FAM135B: variants seen among roughly 807,000 people sequenced by gnomAD.
FAM135B encodes family with sequence similarity 135 member B, also known as protein FAM135B.
Under a neutral mutation model 127.7 loss-of-function variants are expected in FAM135B, and 43 were observed. The ratio of observed to expected loss-of-function variants is 0.34; its 90% CI spans 0.26 to 0.43. The LOEUF (loss-of-function observed/expected upper bound fraction) is 0.43, where lower values mean the gene tolerates loss of function less well. Among genes scored for constraint, FAM135B ranks in the 20% least tolerant of loss-of-function variants. The pLI is 1.00. For missense variants in FAM135B, 1,558 were observed against 1,725.6 expected (o/e 0.90, Z 1.72); for synonymous variants, 670 against 665.1 (o/e 1.01, Z -0.11).
At chr8:138,238,264 G>A (rs1182770077) in intron 7 of FAM135B, among the ~76,000 whole-genome samples, 6 of 152,188 alleles carry the variant, frequency 3.9e-5, no homozygotes, top group Admixed American at 2.0e-4. Context: ...GCATGTTTGT[G>A]TCAGGCTGTA....
intron 3 of FAM135B, among the ~76,000 whole-genome samples, chr8:138,297,470 A>T (rs1459705915): frequency 6.6e-6 from 1 of 152,242 alleles, no homozygotes; most frequent in Non-Finnish European, 1.5e-5. Flanking sequence ...TCACTGTATA[A>T]ATATTTACTA....
At chr8:138,249,579 A>G (rs1821547912) in intron 6 of FAM135B, among the ~76,000 whole-genome samples, 1 of 152,204 alleles carries the variant, frequency 6.6e-6, no homozygotes, top group Admixed American at 6.5e-5. Flanking sequence ...GGAACCCAGC[A>G]GATGGGCGTG....
chr8:138,238,198 T>A (rs1820450815), intron 7 of FAM135B, among the ~76,000 whole-genome samples: 1 of 152,262 alleles, frequency 6.6e-6, no homozygotes, highest in Middle Eastern at 3.4e-3. Context: ...AAGATTTGAT[T>A]TAATTATGTG....
Position 138,152,758 on chromosome 8 carries a change from T to C in FAM135B, c.1717A>G (p.Asn573Asp). 3.7e-6 allele frequency: 6 copies of C among 1,614,214 alleles called. No individual in the cohort carries two copies. Among genetic ancestry groups the C allele is most frequent in the Non-Finnish European group, 5.1e-6 (6 of 1,180,040 alleles). ...PSRAEPLVAF[N>D]AQHESRSSRD... Reference sequence around the variant, plus strand: ...GAGCTCCTACTCTCATGCTGAGCATTGAAGGCCACCAGGGGTTCAGCTCTG... The same window carrying C: ...GAGCTCCTACTCTCATGCTGAGCATCGAAGGCCACCAGGGGTTCAGCTCTG... Residue 573 changes from asparagine (N) to aspartate (D), a missense_variant, in exon 13 of 20, where the codon AAT (asparagine) becomes GAT (aspartate). Physicochemically the swap from Asn to Asp is conservative, Grantham distance 23 (BLOSUM62 1). Transcript: ENST00000395297.
intron 2 of FAM135B, among the ~76,000 whole-genome samples, chr8:138,347,102 AGGAAGAAT>A (rs1829470105): frequency 8.0e-6 from 1 of 125,606 alleles, no homozygotes; most frequent in Non-Finnish European, 1.6e-5. Flanking sequence ...AATGAACAAA[AGGAAGAAT>A]GAATGAATGA....
intron 1 of FAM135B, among the ~76,000 whole-genome samples, chr8:138,483,426 G>A (rs1017024125): frequency 3.9e-5 from 6 of 152,200 alleles, no homozygotes; most frequent in Non-Finnish European, 8.8e-5. Flanking sequence ...TGCTGTGGGA[G>A]CAGAAAGACA....
chr8:138,172,769 G>A (rs1434859793), intron 11 of FAM135B, among the ~76,000 whole-genome samples: 1 of 152,138 alleles, frequency 6.6e-6, no homozygotes, highest in Admixed American at 6.5e-5. Context: ...AGCAACTAAG[G>A]GTAGCATTAA....
At chr8:138,410,822 A>T (rs1833821395) in intron 1 of FAM135B, among the ~76,000 whole-genome samples, 1 of 152,186 alleles carries the variant, frequency 6.6e-6, no homozygotes, top group South Asian at 2.1e-4. Context: ...TACCAAAAAC[A>T]TACGTGTACT....
chr8:138,487,555 G>A (rs1360074195), intron 1 of FAM135B, among the ~76,000 whole-genome samples: 5 of 150,692 alleles, frequency 3.3e-5, no homozygotes, highest in South Asian at 2.1e-4. Context: ...GCACCCACCC[G>A]TGCATTCACA....
At chr8:138,444,038 A>G (rs748118951) in intron 1 of FAM135B, among the ~76,000 whole-genome samples, 1 of 152,172 alleles carries the variant, frequency 6.6e-6, no homozygotes, top group Non-Finnish European at 1.5e-5. Context: ...ACGAACAAAG[A>G]TCAAAGAGAC....
chr8:138,262,960 C>A (rs1036063107), intron 4 of FAM135B, among the ~76,000 whole-genome samples: 1 of 146,280 alleles, frequency 6.8e-6, no homozygotes, highest in African/African-American at 2.5e-5. Flanking sequence ...TTAGTAACTA[C>A]GGGACTTCCT....
chr8:138,246,834 G>C (rs934578319), intron 6 of FAM135B, among the ~76,000 whole-genome samples: 3 of 152,162 alleles, frequency 2.0e-5, no homozygotes, highest in Admixed American at 2.0e-4. Context: ...CCAGTAGAGG[G>C]GACTGTACCC....
At chr8:138,210,096 C>G (rs1338342892) in intron 7 of FAM135B, among the ~76,000 whole-genome samples, 1 of 152,224 alleles carries the variant, frequency 6.6e-6, no homozygotes, top group Non-Finnish European at 1.5e-5. Flanking sequence ...AGTCCAAGAT[C>G]ATCAAATTAG....
chr8:138,388,354 A>T (rs928675518), intron 1 of FAM135B, among the ~76,000 whole-genome samples: 5 of 152,194 alleles, frequency 3.3e-5, no homozygotes, highest in Admixed American at 2.0e-4. Flanking sequence ...ATGAAATGAA[A>T]TATACTCTTA....
intron 2 of FAM135B, among the ~76,000 whole-genome samples, chr8:138,315,657 G>A (rs552574570): frequency 1.6e-4 from 20 of 127,880 alleles, no homozygotes; most frequent in Non-Finnish European, 2.8e-4. Flanking sequence ...TCAAACAATG[G>A]AATGTTATTC....
chr8:138,431,528 C>T (rs1459521573), intron 1 of FAM135B, among the ~76,000 whole-genome samples: 1 of 152,212 alleles, frequency 6.6e-6, no homozygotes, highest in East Asian at 1.9e-4. Flanking sequence ...CATTTATTTA[C>T]ATATACTTTA....
intron 2 of FAM135B, among the ~76,000 whole-genome samples, chr8:138,335,107 C>T (rs1027881485): frequency 5.9e-5 from 9 of 152,090 alleles, no homozygotes; most frequent in Non-Finnish European, 1.2e-4. Context: ...TTTTGTTCAA[C>T]AGCACAAATG....
chr8:138,162,557 G>A (rs907664636), intron 12 of FAM135B, among the ~76,000 whole-genome samples: 16 of 152,188 alleles, frequency 1.1e-4, no homozygotes, highest in African/African-American at 3.9e-4. Context: ...GGCACAGGAG[G>A]TATGTAGGAA....
At chr8:138,255,122 T>C (rs1821978120) in intron 5 of FAM135B, among the ~76,000 whole-genome samples, 1 of 149,318 alleles carries the variant, frequency 6.7e-6, no homozygotes, top group Non-Finnish European at 1.5e-5. Context: ...CTTGAACTCC[T>C]GGGCTCAAGC....
Sources: gnomAD v4.1 joint callset for allele counts (sites outside exome capture counted in the v4.1 genomes callset) on GRCh38, gnomAD v4.1.1 for gene constraint, MANE v1.5 for transcripts, NCBI Gene and HGNC (gene_info 2026-07-23, HGNC 2026-07-21) for gene names.